IGF1R: variants seen among roughly 807,000 people sequenced by gnomAD.
IGF1R encodes insulin-like growth factor 1 receptor.
Under a neutral mutation model 144.6 loss-of-function variants are expected in IGF1R, and 44 were observed. The ratio of observed to expected loss-of-function variants is 0.30; its 90% CI spans 0.24 to 0.39. IGF1R has a LOEUF of 0.39. Ranked by LOEUF, IGF1R falls within the 10% of genes least tolerant of loss-of-function variation. IGF1R has a pLI of 1.00. For synonymous variants in IGF1R, 795 were observed against 722.8 expected (o/e 1.10, Z -1.60); for missense variants, 1,355 against 1,833.7 (o/e 0.74, Z 4.77).
At chr15:98,793,687 A>G (rs2056176503) in intron 2 of IGF1R, among the ~76,000 whole-genome samples, 1 of 152,230 alleles carries the variant, frequency 6.6e-6, no homozygotes, top group Admixed American at 6.5e-5. Flanking sequence ...CTGATGCATA[A>G]TATTTTATGA....
chr15:98,949,535 C>G (rs914204840), intron 20 of IGF1R, among the ~76,000 whole-genome samples: 1 of 152,142 alleles, frequency 6.6e-6, no homozygotes, highest in Non-Finnish European at 1.5e-5. Context: ...CCCACCACCA[C>G]TCCCAGCTAA....
chr15:98,698,513 A>G (rs1050753456), intron 1 of IGF1R, among the ~76,000 whole-genome samples: 1 of 152,218 alleles, frequency 6.6e-6, no homozygotes, highest in Non-Finnish European at 1.5e-5. Flanking sequence ...GAGTCTGACT[A>G]CTTTGAGTAC....
Position 98,919,197 on chromosome 15 carries a change from C to T in IGF1R, c.2201+2321C>T, listed in dbSNP as rs531465034. On this transcript the variant is annotated intron_variant, in intron 10 of 20. Coordinates refer to ENST00000650285, the MANE Select transcript of IGF1R (RefSeq NM_000875.5). The stretch of plus-strand genomic sequence containing the variant: ...GGACCTGGTCCTCATTCCCACACAC[C>T]GACTCTTTTCCCCCTCTTCTCCTCC... Among the ~76,000 whole-genome samples the T allele has an allele frequency of 6.2e-4, 95 of 152,256 alleles. 1 individual carries two copies. In the Middle Eastern group the frequency reaches 0.01, roughly 16 times the overall value.
rs529655908 is a variant in IGF1R at position 98,959,549 on chromosome 15, C to G, written c.*2107C>G. On this transcript the variant is annotated 3_prime_UTR_variant, in exon 21 of 21. Coordinates refer to ENST00000650285, the MANE Select transcript of IGF1R (RefSeq NM_000875.5). ...CAGACGCCACGGTGGCCCAAGAGCCCCTTTGCTTCTTGCTGGGGGACCAGG... is the reference window on the plus strand; with the variant it reads ...CAGACGCCACGGTGGCCCAAGAGCCGCTTTGCTTCTTGCTGGGGGACCAGG... The G allele has an allele frequency of 8.6e-6, 2 of 233,472 alleles. No homozygotes were observed. Among genetic ancestry groups the G allele is most frequent in the African/African-American group, 2.2e-5 (1 of 45,346 alleles). 14.5% of individuals were successfully genotyped at this position (233,472 alleles called of 1,614,324 possible).
intron 2 of IGF1R, among the ~76,000 whole-genome samples, chr15:98,785,770 C>T (rs2055978021): frequency 1.3e-5 from 2 of 152,118 alleles, no homozygotes; most frequent in South Asian, 4.2e-4. Flanking sequence ...GAAGTGATCC[C>T]CACCCACCTC....
intron 11 of IGF1R, among the ~76,000 whole-genome samples, chr15:98,923,128 C>T (rs1414298428): frequency 6.6e-6 from 1 of 152,234 alleles, no homozygotes; most frequent in Non-Finnish European, 1.5e-5. Flanking sequence ...CCTTAGCCCT[C>T]CTGGGAGAGA....
chr15:98,930,182 C>A, intron 14 of IGF1R, 53 bp from the exon 15 acceptor site: 1 of 1,199,286 alleles, frequency 8.3e-7, no homozygotes, highest in Non-Finnish European at 1.2e-6. Context: ...AAAGTATATA[C>A]AGGAATGTAT....
chr15:98,936,005 C>T (rs970057386), intron 17 of IGF1R, among the ~76,000 whole-genome samples: 1 of 152,190 alleles, frequency 6.6e-6, no homozygotes, highest in South Asian at 2.1e-4. Flanking sequence ...CTTGCCCTTG[C>T]ATCTGGGAAG....
At chr15:98,909,581 C>T (rs2151671692) in intron 6 of IGF1R, among the ~76,000 whole-genome samples, 1 of 152,272 alleles carries the variant, frequency 6.6e-6, no homozygotes, top group East Asian at 1.9e-4. Context: ...AGGGAAGAGC[C>T]AGTGTGCTTC....
intron 1 of IGF1R, among the ~76,000 whole-genome samples, chr15:98,675,161 G>A (rs2053004132): frequency 6.6e-6 from 1 of 151,712 alleles, no homozygotes. Context: ...GCAAATTTTT[G>A]TATTTTTAGT....
chr15:98,754,765 C>T (rs1219596380), intron 2 of IGF1R, among the ~76,000 whole-genome samples: 1 of 152,186 alleles, frequency 6.6e-6, no homozygotes, highest in Non-Finnish European at 1.5e-5. Context: ...ATCCTCATAA[C>T]AGGCTAATGA....
At chr15:98,775,469 G>C (rs1459530174) in intron 2 of IGF1R, among the ~76,000 whole-genome samples, 1 of 152,162 alleles carries the variant, frequency 6.6e-6, no homozygotes, top group African/African-American at 2.4e-5. Context: ...CAAGTTCAGG[G>C]ACCGTTGCCC....
intron 2 of IGF1R, among the ~76,000 whole-genome samples, chr15:98,730,173 T>A (rs2054465337): frequency 6.6e-6 from 1 of 152,306 alleles, no homozygotes; most frequent in South Asian, 2.1e-4. Flanking sequence ...TTAATTACTT[T>A]GGGCAGGTCA....
chr15:98,790,491 G>T (rs545627028), intron 2 of IGF1R, among the ~76,000 whole-genome samples: 1 of 152,248 alleles, frequency 6.6e-6, no homozygotes, highest in African/African-American at 2.4e-5. Flanking sequence ...TGGTATAGCG[G>T]GGGAGCAGGG....
chr15:98,842,629 G>A (rs551790038), intron 2 of IGF1R, among the ~76,000 whole-genome samples: 1 of 152,324 alleles, frequency 6.6e-6, no homozygotes, highest in South Asian at 2.1e-4. Context: ...AGAACCATCA[G>A]TCGAAGGCTA....
intron 2 of IGF1R, among the ~76,000 whole-genome samples, chr15:98,756,208 C>G (rs1253905834): frequency 6.7e-6 from 1 of 149,200 alleles, no homozygotes; most frequent in Non-Finnish European, 1.5e-5. Flanking sequence ...TTCACCCTTT[C>G]CCAGCATCTA....
intron 15 of IGF1R, among the ~76,000 whole-genome samples, chr15:98,931,603 C>T (rs1320183747): frequency 6.6e-6 from 1 of 151,786 alleles, no homozygotes; most frequent in Non-Finnish European, 1.5e-5. Context: ...ATACATACTT[C>T]TGTAGTGTGT....
At chr15:98,731,335 C>T (rs2054492054) in intron 2 of IGF1R, among the ~76,000 whole-genome samples, 1 of 152,176 alleles carries the variant, frequency 6.6e-6, no homozygotes, top group African/African-American at 2.4e-5. Context: ...TGCTTGGCTG[C>T]ATTTTTCTCC....
rs530447246 is a variant in IGF1R at position 98,964,226 on chromosome 15, G to GA, written c.*6793dup. On this transcript the variant is annotated 3_prime_UTR_variant, in exon 21 of 21. Coordinates refer to ENST00000650285, the MANE Select transcript of IGF1R (RefSeq NM_000875.5). The stretch of plus-strand genomic sequence containing the variant: ...GTTAAAAAAAAATTTTTTTAAGTAA[G>GA]AAAAAAAAAGGTAATAACATGGCCA... 3.4e-3 allele frequency: 761 copies of GA among 226,152 alleles called. 2 individuals are homozygous for GA. The highest frequency in any genetic ancestry group is 0.014 in the African/African-American group (604 of 43,954). The allele number at this position is 226,152 out of a possible 1,614,324, so 14.0% of individuals were successfully genotyped here. A position where few individuals can be genotyped will look rare whatever the true frequency, so the allele number is the denominator to read the frequency against.
Sources: gnomAD v4.1 joint callset for allele counts (sites outside exome capture counted in the v4.1 genomes callset) on GRCh38, gnomAD v4.1.1 for gene constraint, MANE v1.5 for transcripts, NCBI Gene and HGNC (gene_info 2026-07-23, HGNC 2026-07-21) for gene names.